GORASP2: variants seen among roughly 807,000 people sequenced by gnomAD.
GORASP2 encodes the protein Golgi reassembly-stacking protein 2.
In GORASP2, 22 loss-of-function variants were observed where a neutral mutation model predicts 45.7. The observed-to-expected ratio is 0.48, with a 90% CI of 0.34 to 0.69. The LOEUF is 0.69. Ranked by LOEUF, GORASP2 falls within the 30% of genes least tolerant of loss-of-function variation. The probability of loss-of-function intolerance (pLI) is 0.01; values close to 1 mark genes in which losing one functional copy is unlikely to be tolerated. For missense variants in GORASP2, 491 were observed against 562.7 expected (o/e 0.87, Z 1.29); for synonymous variants, 221 against 215.6 (o/e 1.02, Z -0.22).
At position 170,962,895 on chromosome 2, in the gene GORASP2, C is replaced by T. The variant is rs1281208937; in HGVS notation, c.967C>T (p.Pro323Ser). 1 of 1,614,050 alleles carries T rather than the reference C, an allele frequency of 6.2e-7. No individual in the cohort carries two copies. Among genetic ancestry groups the T allele is most frequent in the African/African-American group, 1.3e-5 (1 of 75,024 alleles). The change falls in exon 9 of 10, where the codon CCA becomes TCA. Residue 323 changes from proline to serine, a missense_variant. Pro to Ser is a moderately conservative substitution (Grantham distance 74, BLOSUM62 -1). Transcript: ENST00000234160. Reference protein sequence around the residue: ...PNLPNLNLNLPAPHIMPGVGL... With the variant: ...PNLPNLNLNLSAPHIMPGVGL... ...CCTCCCCAACCTCAACCTCAACCTC[C>T]CAGCACCACACATCATGCCAGGGGT...
intron 7 of GORASP2, 94 bp from the exon 8 acceptor site, chr2:170,961,567 CGG>C (rs1254745247): frequency 1.3e-6 from 1 of 774,074 alleles, no homozygotes; most frequent in Non-Finnish European, 2.4e-6. Flanking sequence ...GACCTGACCA[CGG>C]GGCAAGGAGG....
intron 7 of GORASP2, among the ~76,000 whole-genome samples, chr2:170,956,969 C>A (rs1163461039): frequency 6.6e-6 from 1 of 152,054 alleles, no homozygotes; most frequent in Non-Finnish European, 1.5e-5. Context: ...AAAATTAATG[C>A]CAGTGTACCT....
At chr2:170,942,644 T>C (rs1575471339) in intron 1 of GORASP2, among the ~76,000 whole-genome samples, 1 of 152,360 alleles carries the variant, frequency 6.6e-6, no homozygotes, top group South Asian at 2.1e-4. Context: ...AGGGATATTA[T>C]GAATAATGCT....
chr2:170,946,118 C>T (rs1391558604), intron 1 of GORASP2, among the ~76,000 whole-genome samples: 3 of 152,034 alleles, frequency 2.0e-5, no homozygotes, highest in African/African-American at 7.2e-5. Context: ...TGCAAGTGAT[C>T]CTCCCAGCTC....
intron 2 of GORASP2, 73 bp from the exon 3 acceptor site, chr2:170,949,466 A>C (rs890599835): frequency 1.0e-6 from 1 of 965,496 alleles, no homozygotes; most frequent in Admixed American, 1.8e-5. Context: ...TATTACTCTT[A>C]TAGGGCCATA....
chr2:170,938,143 T>G (rs1026982256), intron 1 of GORASP2, among the ~76,000 whole-genome samples: 3 of 152,230 alleles, frequency 2.0e-5, no homozygotes, highest in Non-Finnish European at 4.4e-5. Context: ...GATTATCCTG[T>G]GGGTTAAATG....
chr2:170,944,647 G>C (rs1704145084), intron 1 of GORASP2, among the ~76,000 whole-genome samples: 1 of 152,054 alleles, frequency 6.6e-6, no homozygotes. Context: ...AACTTTATAA[G>C]GGTGGCCTAG....
chr2:170,932,614 C>G (rs1367735476), intron 1 of GORASP2, among the ~76,000 whole-genome samples: 1 of 152,146 alleles, frequency 6.6e-6, no homozygotes, highest in Non-Finnish European at 1.5e-5. Context: ...ACATTGTTTT[C>G]TGATCATCAA....
At chr2:170,940,687 G>A (rs1704055239) in intron 1 of GORASP2, among the ~76,000 whole-genome samples, 3 of 151,642 alleles carry the variant, frequency 2.0e-5, no homozygotes, top group Admixed American at 2.0e-4. Context: ...AAGTATTAAC[G>A]GTATCTTGTA....
rs188909937 is a variant in GORASP2 at position 170,942,617 on chromosome 2, T to C, written c.64-5733T>C. On this transcript the variant is annotated intron_variant, in intron 1 of 9. Transcript: ENST00000234160. ...ATCCATTTATCAGTTGGGGGACATT[T>C]GGGCTGTTTCTACGTTAGGGATATT... 1.4e-4 allele frequency among the ~76,000 whole-genome samples: 22 copies of C among 152,350 alleles called. No homozygotes were observed. The East Asian group carries it at 4.2e-3, about 29-fold the overall frequency.
Position 170,965,846 on chromosome 2 carries a change from C to G in GORASP2, c.1075C>G (p.Pro359Ala), listed in dbSNP as rs1164713503. The change falls in exon 10 of 10, where the codon CCC (proline) becomes GCC (alanine). Residue 359 changes from proline to alanine, a missense_variant. Pro to Ala is a conservative substitution (Grantham distance 27). Transcript: ENST00000234160. ...PRNLPGIAPLPLPSEFLPSFP... is the reference protein window; with the variant it reads ...PRNLPGIAPLALPSEFLPSFP... Reference sequence around the variant, plus strand: ...AAACTTACCTGGCATTGCACCTCTCCCCCTGCCATCCGAGTTCCTCCCGTC... The same window carrying G: ...AAACTTACCTGGCATTGCACCTCTCGCCCTGCCATCCGAGTTCCTCCCGTC... The G allele has an allele frequency of 8.1e-6, 13 of 1,613,940 alleles. No individual in the cohort carries two copies. Among genetic ancestry groups the G allele is most frequent in the African/African-American group, 1.3e-5 (1 of 74,892 alleles).
rs529355072 is a variant in GORASP2 at position 170,966,191 on chromosome 2, G to A, written c.*61G>A. ...TAACCACGGGAGCGTGTCTGGAAAC[G>A]CAAACTATCATTAATTTCATACTAG... On this transcript the variant is annotated 3_prime_UTR_variant, in exon 10 of 10. Coordinates refer to ENST00000234160, the MANE Select transcript of GORASP2 (RefSeq NM_015530.5). The A allele has an allele frequency of 3.8e-5, 43 of 1,140,614 alleles. No homozygotes were observed. The highest frequency in any genetic ancestry group is 1.5e-4 in the Admixed American group (9 of 58,410). 70.7% of individuals were successfully genotyped at this position (1,140,614 alleles called of 1,614,324 possible). A position where few individuals can be genotyped will look rare whatever the true frequency, so the allele number is the denominator to read the frequency against.
In GORASP2 at chr2:170,962,876, C is replaced by T. The variant is rs1704596561; in HGVS notation, c.948C>T (p.Pro316=). ...TACCAGCAGGACTGCCCAACCTCCC[C>T]AACCTCAACCTCAACCTCCCAGCAC... ...MPLPAGLPNL[P]NLNLNLPAPH... is the part of the protein sequence containing the mutation. The change falls in exon 9 of 10, where the codon CCC becomes CCT. Residue 316 remains proline (P), a synonymous_variant. Coordinates refer to ENST00000234160, the MANE Select transcript of GORASP2 (RefSeq NM_015530.5). 3.1e-6 allele frequency: 5 copies of T among 1,613,592 alleles called. No homozygotes were observed. The highest frequency in any genetic ancestry group is 4.2e-6 in the Non-Finnish European group (5 of 1,179,706).
chr2:170,959,663 A>G (rs1053971571), intron 7 of GORASP2, among the ~76,000 whole-genome samples: 5 of 152,236 alleles, frequency 3.3e-5, no homozygotes, highest in African/African-American at 9.6e-5. Context: ...ATGTAACTGT[A>G]GAGACATAAA....
intron 1 of GORASP2, among the ~76,000 whole-genome samples, chr2:170,946,602 C>G (rs183265565): frequency 9.3e-4 from 141 of 152,094 alleles, no homozygotes; most frequent in African/African-American, 3.1e-3. Flanking sequence ...TAGCTCTACC[C>G]CTTCTTTCCA....
chr2:170,944,234 G>A (rs746628725), intron 1 of GORASP2, among the ~76,000 whole-genome samples: 7 of 152,154 alleles, frequency 4.6e-5, no homozygotes, highest in Non-Finnish European at 8.8e-5. Flanking sequence ...ACTTACCTGT[G>A]TCAGTGTTTG....
At chr2:170,936,682 A>C in intron 1 of GORASP2, 2 of 1,282,456 alleles carry the variant, frequency 1.6e-6, no homozygotes, top group Non-Finnish European at 2.1e-6. Context: ...AGCCGGGCAT[A>C]ATGGTGTGCA....
At position 170,962,497 on chromosome 2, in the gene GORASP2, ATTCAGTT is replaced by A. The variant is rs1290056765; in HGVS notation, c.911-340_911-334del. Among the ~76,000 whole-genome samples, 65 of 152,360 alleles carry A rather than the reference ATTCAGTT, an allele frequency of 4.3e-4. 1 individual carries two copies. Among genetic ancestry groups the A allele is most frequent in the East Asian group, 3.8e-4 (2 of 5,196 alleles). ...TGTAAACCTCAACCATCAAAGAAAA[ATTCAGTT>A]TCATTATCTGCCATATCTACTGAAA... On this transcript the variant is annotated intron_variant, in intron 8 of 9. Transcript: ENST00000234160.
Position 170,962,958 on chromosome 2 carries a change from A to T in GORASP2, c.1018+12A>T. 1 of 1,543,646 alleles carries T rather than the reference A, an allele frequency of 6.5e-7. No homozygotes were observed. Among genetic ancestry groups the T allele is most frequent in the Non-Finnish European group, 9.0e-7 (1 of 1,115,784 alleles). On this transcript the variant is annotated intron_variant, in intron 9 of 9. Transcript: ENST00000234160. ...ACTTGTAAACCCAGGTATGTTGCAG[A>T]TCTCACCCTCCTAGGACTCTCTCTA...
Sources: gnomAD v4.1 joint callset for allele counts (sites outside exome capture counted in the v4.1 genomes callset) on GRCh38, gnomAD v4.1.1 for gene constraint, MANE v1.5 for transcripts, NCBI Gene and HGNC (gene_info 2026-07-23, HGNC 2026-07-21) for gene names.